The following RGS12 variants were observed in gnomAD, a reference collection of about 807,000 sequenced individuals.
The protein encoded by RGS12 is regulator of G protein signaling 12.
RGS12 carries 66 observed loss-of-function variants against 120.1 expected under a neutral mutation model. That is an observed-to-expected ratio of 0.55 (90% CI 0.45 to 0.67). The LOEUF (loss-of-function observed/expected upper bound fraction) is 0.67. Among genes scored for constraint, RGS12 ranks in the 30% least tolerant of loss-of-function variants. RGS12 has a pLI of 0.00. For synonymous variants in RGS12, 827 were observed against 804.7 expected (o/e 1.03, Z -0.47); for missense variants, 1,859 against 1,957.7 (o/e 0.95, Z 0.95).
chr4:3,413,202 C>A (rs535590527), intron 4 of RGS12: 38 of 135,200 alleles, frequency 2.8e-4, no homozygotes, highest in Non-Finnish European at 4.4e-4. Context: ...GACGGGGGCG[C>A]CCCCACACTG....
At chr4:3,425,634 T>TG (rs1723537528) in intron 14 of RGS12, 74 bp downstream of exon 14, 10 of 443,332 alleles carry the variant, frequency 2.3e-5, no homozygotes, top group African/African-American at 1.9e-4. Context: ...ATGGAGCCGG[T>TG]GCAGGGGAGG....
intron 3 of RGS12, among the ~76,000 whole-genome samples, chr4:3,345,064 A>G (rs1009783934): frequency 4.6e-5 from 7 of 152,232 alleles, no homozygotes; most frequent in African/African-American, 1.7e-4. Context: ...GTAGTAAACT[A>G]TGAATATTCA....
At chr4:3,288,964 C>G (rs1722957675), upstream of RGS12, among the ~76,000 whole-genome samples, 1 of 152,154 alleles carries the variant, frequency 6.6e-6, no homozygotes, top group South Asian at 2.1e-4. The surrounding 1 kb of genome is among the most constrained non-coding windows in gnomAD (Gnocchi z 5.2). Context: ...CCTGGCTGCC[C>G]ACTCTGCCTG....
chr4:3,355,537 G>C (rs1157289721), intron 3 of RGS12, among the ~76,000 whole-genome samples: 2 of 152,180 alleles, frequency 1.3e-5, no homozygotes, highest in Non-Finnish European at 2.9e-5. Context: ...GCTCACGCCT[G>C]TAATCCCAGC....
rs1327279410 is a variant in RGS12, at chr4:3,390,438, G to A, written c.2020+4001G>A. ...CAGACATCAGCCAGAGCGTCAGGGC[G>A]AGGCTTGGGCGGGGACAGTGGCTTT... On this transcript the variant is annotated intron_variant, in intron 4 of 17. Transcript: ENST00000336727. The surrounding 1 kb of genome is among the most constrained non-coding windows in gnomAD (Gnocchi z 4.6). Among the ~76,000 whole-genome samples the A allele has an allele frequency of 2.0e-5, 3 of 152,214 alleles. No homozygotes were observed. Among genetic ancestry groups the A allele is most frequent in the Admixed American group, 1.3e-4 (2 of 15,288 alleles).
chr4:3,414,437 GCC>G, intron 5 of RGS12, 196 bp downstream of exon 5: 1 of 655,908 alleles, frequency 1.5e-6, no homozygotes, highest in Non-Finnish European at 2.5e-6. Context: ...CCCTGGTTCT[GCC>G]CCCAGGGAGC....
At chr4:3,380,328 G>C (rs1718128792) in intron 3 of RGS12, among the ~76,000 whole-genome samples, 1 of 152,240 alleles carries the variant, frequency 6.6e-6, no homozygotes, top group African/African-American at 2.4e-5. Context: ...GCTTTCACGG[G>C]TTGGCATTGA....
intron 3 of RGS12, among the ~76,000 whole-genome samples, chr4:3,345,641 A>G (rs1013517318): frequency 9.2e-5 from 14 of 152,352 alleles, no homozygotes; most frequent in African/African-American, 3.4e-4. Flanking sequence ...ACTGTTAAGT[A>G]CGGTTTTGTC....
At chr4:3,419,795 T>C (rs1722808963) in intron 9 of RGS12, among the ~76,000 whole-genome samples, 1 of 152,176 alleles carries the variant, frequency 6.6e-6, no homozygotes, top group African/African-American at 2.4e-5. Context: ...TACTCCAGCC[T>C]GGGGGACACA....
chr4:3,317,812 T>C lies in RGS12; in HGVS notation c.1642T>C (p.Cys548Arg), dbSNP rs781576607. 3.7e-6 allele frequency: 6 copies of C among 1,613,062 alleles called. No individual in the cohort carries two copies. Among genetic ancestry groups the C allele is most frequent in the Non-Finnish European group, 5.1e-6 (6 of 1,179,754 alleles). ...GGTCCACGTGCTCCGGGAGTGGCAG[T>C]GCGGACACACCAGCGACCAGGACTC... ...LPVHVLREWQ[C>R]GHTSDQDSYT... Residue 548 changes from cysteine (C) to arginine (R), a missense_variant, in exon 2 of 18, where the codon TGC becomes CGC. Transcript: ENST00000336727.
rs1027293239 is a variant in RGS12 at position 3,316,805 on chromosome 4, G to C, written c.635G>C (p.Gly212Ala). 1 of 1,614,176 alleles carries C rather than the reference G, an allele frequency of 6.2e-7. No individual in the cohort carries two copies. Among genetic ancestry groups the C allele is most frequent in the Admixed American group, 1.7e-5 (1 of 60,028 alleles). Residue 212 changes from glycine (G) to alanine (A), a missense_variant, in exon 2 of 18, where the codon GGA (glycine) becomes GCA (alanine). By Grantham distance (60) the Gly-to-Ala change is moderately conservative (BLOSUM62 0). Transcript: ENST00000336727. The part of the protein sequence containing the change: ...VIHDDSVFSI[G>A]LESHDDFALD... ...CATGATGATTCGGTTTTCAGCATTG[G>C]ACTAGAAAGTCATGACGATTTTGCA...
In RGS12 at chr4:3,326,655, T is replaced by A. The variant is rs1437015577; in HGVS notation, c.1881+8604T>A. On this transcript the variant is annotated intron_variant, in intron 2 of 17. Transcript: ENST00000336727. ...AATCAATGTATAAAAATCAGTAGTATTTCTTTATACCAATAATGATCTAGC... is the reference window on the plus strand; with the variant it reads ...AATCAATGTATAAAAATCAGTAGTAATTCTTTATACCAATAATGATCTAGC... 2.0e-5 allele frequency among the ~76,000 whole-genome samples: 3 copies of A among 152,348 alleles called. No individual in the cohort carries two copies. In the South Asian group the frequency reaches 6.2e-4, roughly 32 times the overall value.
At chr4:3,437,405 CA>C (rs540959857) in intron 17 of RGS12, among the ~76,000 whole-genome samples, 59 of 152,188 alleles carry the variant, frequency 3.9e-4, no homozygotes, top group Non-Finnish European at 7.8e-4. Context: ...TGTGGTGTTG[CA>C]GGCCCCTTCA....
intron 2 of RGS12, among the ~76,000 whole-genome samples, chr4:3,323,387 C>T (rs551025959): frequency 3.0e-4 from 46 of 152,330 alleles, no homozygotes; most frequent in African/African-American, 8.9e-4. Context: ...GCCTCTGCCC[C>T]GCTCCGCGCG....
At chr4:3,425,238 C>G (rs1723484256) in intron 13 of RGS12, among the ~76,000 whole-genome samples, 1 of 152,188 alleles carries the variant, frequency 6.6e-6, no homozygotes, top group Non-Finnish European at 1.5e-5. Context: ...GTTGCCACCT[C>G]CTGCGTGATT....
chr4:3,310,642 G>C (rs965744389), intron 1 of RGS12, among the ~76,000 whole-genome samples: 3 of 152,140 alleles, frequency 2.0e-5, no homozygotes, highest in African/African-American at 7.2e-5. Flanking sequence ...GGTCTGCATG[G>C]GGCGGGTATC....
intron 13 of RGS12, among the ~76,000 whole-genome samples, chr4:3,425,135 T>C (rs185077589): frequency 2.8e-4 from 42 of 152,312 alleles, no homozygotes; most frequent in Non-Finnish European, 5.0e-4. Flanking sequence ...GAACATCTGC[T>C]CTCAGTATTC....
intron 4 of RGS12, among the ~76,000 whole-genome samples, chr4:3,402,623 C>T (rs1720710110): frequency 6.6e-6 from 1 of 152,120 alleles, no homozygotes; most frequent in Admixed American, 6.6e-5. Flanking sequence ...CCCTGGGCTT[C>T]TGCATTGGGT....
At chr4:3,297,711 G>T (rs1448940275) in intron 1 of RGS12, among the ~76,000 whole-genome samples, 1 of 152,140 alleles carries the variant, frequency 6.6e-6, no homozygotes, top group Non-Finnish European at 1.5e-5. Flanking sequence ...ACCCCTTTGG[G>T]ATTGGAGCCT....
Sources: allele counts gnomAD v4.1 joint callset (sites outside exome capture counted in the v4.1 genomes callset), GRCh38; gene constraint gnomAD v4.1.1; non-coding constraint Gnocchi (gnomAD v3.1); transcripts MANE v1.5; gene names NCBI Gene and HGNC (gene_info 2026-07-23, HGNC 2026-07-21).